RBMS1: variants seen among roughly 807,000 people sequenced by gnomAD.
RBMS1 encodes the protein RNA binding motif single stranded interacting protein 1, also known as RNA-binding motif, single-stranded-interacting protein 1.
Under a neutral mutation model 62.3 loss-of-function variants are expected in RBMS1, and 17 were observed. The ratio of observed to expected loss-of-function variants is 0.27; its 90% confidence interval spans 0.19 to 0.41. The LOEUF is 0.41. Ranked by LOEUF, RBMS1 falls within the 10% of genes least tolerant of loss-of-function variation. The pLI is 1.00. For synonymous variants in RBMS1, 172 were observed against 170.0 expected, an observed-to-expected ratio of 1.01 and a Z score of -0.09; for missense variants, 334 against 504.5, an observed-to-expected ratio of 0.66 and a Z score of 3.24.
intron 2 of RBMS1, among the ~76,000 whole-genome samples, chr2:160,324,105 T>C (rs572939295): frequency 6.6e-6 from 1 of 152,228 alleles, no homozygotes; most frequent in Non-Finnish European, 1.5e-5. Context: ...AAACACAAGC[T>C]TATTGTACAC....
intron 1 of RBMS1, among the ~76,000 whole-genome samples, chr2:160,466,619 C>G (rs1380722326): frequency 1.3e-5 from 2 of 152,200 alleles, no homozygotes; most frequent in Non-Finnish European, 2.9e-5. Context: ...GCCCAAATCT[C>G]AAGTTCCAGA....
chr2:160,308,397 A>AAAAACAAAACAAAAC (rs530401245), intron 4 of RBMS1, among the ~76,000 whole-genome samples: 19 of 151,900 alleles, frequency 1.3e-4, no homozygotes, highest in Non-Finnish European at 2.5e-4. Context: ...TCTGGTCTCA[A>AAAAACAAAACAAAAC]AAAACAAAAC....
At chr2:160,383,760 C>T (rs1694416880) in intron 1 of RBMS1, among the ~76,000 whole-genome samples, 1 of 152,166 alleles carries the variant, frequency 6.6e-6, no homozygotes, top group Non-Finnish European at 1.5e-5. Flanking sequence ...AATTATTTTA[C>T]AGAAGCAGCC....
At chr2:160,296,507 T>G (rs1394327676) in intron 6 of RBMS1, among the ~76,000 whole-genome samples, 1 of 152,210 alleles carries the variant, frequency 6.6e-6, no homozygotes, top group Admixed American at 6.5e-5. Context: ...TAGCTAAAGA[T>G]AAAACAGTGG....
chr2:160,303,499 G>A lies in RBMS1; in HGVS notation c.403-12C>T. The A allele has an allele frequency of 1.3e-6, 2 of 1,598,966 alleles. No individual in the cohort carries two copies. Among genetic ancestry groups the A allele is most frequent in the Non-Finnish European group, 1.7e-6 (2 of 1,174,192 alleles). On this transcript the variant is annotated splice_polypyrimidine_tract_variant and intron_variant, in intron 4 of 13. Coordinates refer to ENST00000348849, the MANE Select transcript of RBMS1 (RefSeq NM_016836.4). ...TCTTGTTCCTGTTGCTAAAACAGAA[G>A]AGAGTGTTGTCCATTAATTTCCAAC...
At chr2:160,445,131 C>G (rs1253228940) in intron 1 of RBMS1, among the ~76,000 whole-genome samples, 6 of 152,280 alleles carry the variant, frequency 3.9e-5, no homozygotes, top group Admixed American at 3.9e-4. Context: ...AGTACACTTG[C>G]CCCCTTTTAC....
intron 2 of RBMS1, among the ~76,000 whole-genome samples, chr2:160,332,736 C>T (rs1691347917): frequency 6.6e-6 from 1 of 152,050 alleles, no homozygotes; most frequent in Admixed American, 6.6e-5. Context: ...GGAGTGAATC[C>T]TCCAAGGGGA....
chr2:160,308,329 G>T (rs1025044398), intron 4 of RBMS1, among the ~76,000 whole-genome samples: 2 of 152,080 alleles, frequency 1.3e-5, no homozygotes, highest in East Asian at 3.9e-4. Flanking sequence ...CTGGGAGGCG[G>T]AGGTTGCAGT....
intron 2 of RBMS1, among the ~76,000 whole-genome samples, chr2:160,359,393 A>G (rs1226388010): frequency 3.3e-5 from 5 of 152,154 alleles, no homozygotes; most frequent in Non-Finnish European, 7.4e-5. Flanking sequence ...GTAATAACTA[A>G]GGGTATGTTC....
At chr2:160,357,232 T>TA (rs1692851589) in intron 2 of RBMS1, among the ~76,000 whole-genome samples, 2 of 152,116 alleles carry the variant, frequency 1.3e-5, no homozygotes, top group African/African-American at 2.4e-5. Flanking sequence ...AAAAAATTCT[T>TA]ATGGTTATGA....
chr2:160,468,086 C>T lies in RBMS1; in HGVS notation c.75+25203G>A, dbSNP rs554784568. On this transcript the variant is annotated intron_variant, in intron 1 of 13. Coordinates refer to ENST00000348849, the MANE Select transcript of RBMS1 (RefSeq NM_016836.4). The stretch of plus-strand genomic sequence containing the variant: ...GACTCTAATCCAGGCTGATGACCCA[C>T]TGAAACATGCCATCAAATGTAAGAC... Among the ~76,000 whole-genome samples, 5 of 152,304 alleles carry T rather than the reference C, an allele frequency of 3.3e-5. No individual in the cohort carries two copies. In the East Asian group the frequency reaches 9.6e-4, roughly 29 times the overall value.
Position 160,453,674 on chromosome 2 carries a change from C to T in RBMS1, c.75+39615G>A, listed in dbSNP as rs1684093542. Among the ~76,000 whole-genome samples, 3 of 152,118 alleles carry T rather than the reference C, an allele frequency of 2.0e-5. No individual in the cohort carries two copies. The South Asian group carries it at 6.2e-4, about 31-fold the overall frequency. On this transcript the variant is annotated intron_variant, in intron 1 of 13. Coordinates refer to ENST00000348849, the MANE Select transcript of RBMS1 (RefSeq NM_016836.4). Reference sequence around the variant, plus strand: ...ACAGATCTGCTCTCTCATTCCCATGCTTCAAACATTTCATGGCCTACAAAA... The same window carrying T: ...ACAGATCTGCTCTCTCATTCCCATGTTTCAAACATTTCATGGCCTACAAAA...
At chr2:160,354,664 G>T (rs189376791) in intron 2 of RBMS1, among the ~76,000 whole-genome samples, 1 of 152,232 alleles carries the variant, frequency 6.6e-6, no homozygotes, top group East Asian at 1.9e-4. Flanking sequence ...ATCTAAAGCT[G>T]TACATGCAAA....
chr2:160,357,083 C>T (rs1692841827), intron 2 of RBMS1, among the ~76,000 whole-genome samples: 1 of 152,058 alleles, frequency 6.6e-6, no homozygotes, highest in African/African-American at 2.4e-5. Context: ...GCTTTTATTC[C>T]TGATGACAGT....
intron 1 of RBMS1, among the ~76,000 whole-genome samples, chr2:160,438,217 T>C (rs1403912885): frequency 2.0e-5 from 3 of 152,128 alleles, no homozygotes; most frequent in African/African-American, 7.2e-5. Context: ...AAAAAGTCCA[T>C]TGTTTATGCA....
intron 1 of RBMS1, among the ~76,000 whole-genome samples, chr2:160,470,045 C>T (rs1052979206): frequency 6.6e-6 from 1 of 152,154 alleles, no homozygotes; most frequent in African/African-American, 2.4e-5. Context: ...ATTTTTAAAC[C>T]CATGAGGCTG....
chr2:160,293,314 C>T (rs980137425), intron 6 of RBMS1, among the ~76,000 whole-genome samples: 2 of 152,112 alleles, frequency 1.3e-5, no homozygotes, highest in East Asian at 1.9e-4. Flanking sequence ...TATCACTATA[C>T]ACACAGAGTT....
At chr2:160,443,450 G>A (rs1683504744) in intron 1 of RBMS1, among the ~76,000 whole-genome samples, 1 of 152,132 alleles carries the variant, frequency 6.6e-6, no homozygotes, top group South Asian at 2.1e-4. Flanking sequence ...TGTTTGGATC[G>A]TGGGGGTGGA....
chr2:160,413,230 T>C (rs1274831796), intron 1 of RBMS1, among the ~76,000 whole-genome samples: 1 of 152,102 alleles, frequency 6.6e-6, no homozygotes, highest in African/African-American at 2.4e-5. Context: ...GCATAAAATA[T>C]AGCCACACTG....
Sources: gnomAD v4.1 joint callset for allele counts (sites outside exome capture counted in the v4.1 genomes callset) on GRCh38, gnomAD v4.1.1 for gene constraint, MANE v1.5 for transcripts, NCBI Gene and HGNC (gene_info 2026-07-23, HGNC 2026-07-21) for gene names.